The following DCLK2 variants were observed in gnomAD, a reference collection of about 807,000 sequenced individuals.
DCLK2 encodes the protein doublecortin like kinase 2.
In DCLK2, 31 loss-of-function variants were observed where a neutral mutation model predicts 78.4. The observed-to-expected ratio is 0.40, with a 90% CI of 0.30 to 0.53. The LOEUF (loss-of-function observed/expected upper bound fraction) is 0.53, where lower values mean the gene tolerates loss of function less well. Ranked by LOEUF, DCLK2 falls within the 20% of genes least tolerant of loss-of-function variation. DCLK2 has a pLI of 0.61. For missense variants in DCLK2, 872 were observed against 973.7 expected (o/e 0.90, Z 1.39); for synonymous variants, 407 against 374.9 (o/e 1.09, Z -0.99).
At chr4:150,090,580 G>A (rs1159796013) in intron 1 of DCLK2, among the ~76,000 whole-genome samples, 4 of 119,946 alleles carry the variant, frequency 3.3e-5, no homozygotes, top group East Asian at 2.6e-4. Context: ...GATTAGATAC[G>A]ATTTCTTCCT....
chr4:150,202,787 T>G (rs1739550142), intron 4 of DCLK2, among the ~76,000 whole-genome samples: 1 of 152,158 alleles, frequency 6.6e-6, no homozygotes, highest in East Asian at 1.9e-4. Context: ...AAACAGATTA[T>G]AAATACTCTA....
intron 2 of DCLK2, among the ~76,000 whole-genome samples, chr4:150,118,799 C>G (rs1207307030): frequency 6.6e-6 from 1 of 151,944 alleles, no homozygotes; most frequent in Admixed American, 6.6e-5. Flanking sequence ...GTCATGAACT[C>G]CTGATCACTT....
chr4:150,116,456 T>C (rs1732101361), intron 2 of DCLK2, among the ~76,000 whole-genome samples: 1 of 152,212 alleles, frequency 6.6e-6, no homozygotes, highest in Non-Finnish European at 1.5e-5. Flanking sequence ...TGGATTCTTT[T>C]GTCCCATGTG....
At chr4:150,098,901 G>A (rs944441264) in intron 1 of DCLK2, among the ~76,000 whole-genome samples, 2 of 151,916 alleles carry the variant, frequency 1.3e-5, no homozygotes. Context: ...TCACCGTGTT[G>A]GCCAGGCTGT....
intron 2 of DCLK2, among the ~76,000 whole-genome samples, chr4:150,117,635 A>G (rs1362737927): frequency 2.0e-5 from 3 of 152,146 alleles, no homozygotes; most frequent in Admixed American, 6.5e-5. Context: ...GCTTCCCTCC[A>G]TCCCCGCTGG....
chr4:150,256,769 G>C lies in DCLK2; in HGVS notation c.*522G>C, dbSNP rs1744599075. On this transcript the variant is annotated 3_prime_UTR_variant, in exon 16 of 16. Coordinates refer to ENST00000296550, the MANE Select transcript of DCLK2 (RefSeq NM_001040260.4). The stretch of plus-strand genomic sequence containing the variant: ...GTGAGAGGTGATATGGGGGCTAAGA[G>C]GACTGGCTTTCTAATAGAAGAAGTG... 1 of 152,350 alleles carries C rather than the reference G, an allele frequency of 6.6e-6. No homozygotes were observed. The highest frequency in any genetic ancestry group is 6.5e-5 in the Admixed American group (1 of 15,274). The allele number at this position is 152,350 out of a possible 1,614,324, so 9.4% of individuals were successfully genotyped here.
intron 12 of DCLK2, among the ~76,000 whole-genome samples, chr4:150,243,158 C>T (rs192690988): frequency 6.4e-4 from 97 of 152,246 alleles, no homozygotes; most frequent in Admixed American, 2.5e-3. Context: ...GAAGAGGATG[C>T]ATTTATCATG....
At chr4:150,190,626 G>T (rs1738382787) in intron 2 of DCLK2, among the ~76,000 whole-genome samples, 1 of 152,122 alleles carries the variant, frequency 6.6e-6, no homozygotes, top group African/African-American at 2.4e-5. Flanking sequence ...TAGATTATGG[G>T]TGCCTGGGAT....
intron 2 of DCLK2, among the ~76,000 whole-genome samples, chr4:150,117,015 A>C (rs1015990532): frequency 3.3e-5 from 5 of 152,048 alleles, no homozygotes; most frequent in African/African-American, 1.2e-4. Context: ...GGCTTCCAAA[A>C]GTTTCTGTTC....
At chr4:150,198,934 G>C in intron 4 of DCLK2, 1 of 801,208 alleles carries the variant, frequency 1.2e-6, no homozygotes, top group Non-Finnish European at 1.9e-6. Flanking sequence ...TTTCTGTAGG[G>C]CAGGTCGTTT....
intron 15 of DCLK2, among the ~76,000 whole-genome samples, chr4:150,249,994 C>T (rs1052483957): frequency 6.6e-6 from 1 of 152,100 alleles, no homozygotes; most frequent in Admixed American, 6.5e-5. Context: ...ACTCCCAAGC[C>T]CTGGAGGGGT....
chr4:150,147,964 G>C (rs1373418062), intron 2 of DCLK2, among the ~76,000 whole-genome samples: 1 of 152,202 alleles, frequency 6.6e-6, no homozygotes, highest in Non-Finnish European at 1.5e-5. Flanking sequence ...GGTGAACTAT[G>C]ATAGCGTTAA....
At chr4:150,199,679 ATC>A (rs1175825291) in intron 4 of DCLK2, among the ~76,000 whole-genome samples, 2 of 152,234 alleles carry the variant, frequency 1.3e-5, no homozygotes, top group Admixed American at 6.5e-5. Context: ...ATCTGAAAAT[ATC>A]TCTGTTATTA....
At position 150,193,119 on chromosome 4, in the gene DCLK2, A is replaced by T; in HGVS notation, c.757-19A>T. On this transcript the variant is annotated intron_variant, in intron 2 of 15. Transcript: ENST00000296550. ...CTAATGTGTCTAATTTATTTCTTGG[A>T]CATGATTTTTGTTCTCAGGTTACTT... 1 of 1,469,504 alleles carries T rather than the reference A, an allele frequency of 6.8e-7. No homozygotes were observed. Among genetic ancestry groups the T allele is most frequent in the Non-Finnish European group, 9.5e-7 (1 of 1,052,582 alleles). 91.0% of individuals were successfully genotyped at this position (1,469,504 alleles called of 1,614,324 possible). A position where few individuals can be genotyped will look rare whatever the true frequency, so the allele number is the denominator to read the frequency against.
chr4:150,221,642 G>T, intron 6 of DCLK2, 35 bp from the exon 7 acceptor site: 2 of 1,406,718 alleles, frequency 1.4e-6, no homozygotes, highest in Non-Finnish European at 2.0e-6. Flanking sequence ...AAATGCTGAT[G>T]TTTTCTTTAG....
At chr4:150,191,151 G>C (rs1053126563) in intron 2 of DCLK2, among the ~76,000 whole-genome samples, 1 of 152,052 alleles carries the variant, frequency 6.6e-6, no homozygotes, top group Non-Finnish European at 1.5e-5. Context: ...AAACCCATTA[G>C]CACTGTGTGG....
At chr4:150,104,394 T>TAAAAAAAAAA (rs34276664) in intron 2 of DCLK2, among the ~76,000 whole-genome samples, 1,375 of 29,716 alleles carry the variant, frequency 0.046, 210 homozygotes, top group East Asian at 0.056. Flanking sequence ...CCACATCTCC[T>TAAAAAAAAAA]AAAAAAAAAA....
intron 2 of DCLK2, among the ~76,000 whole-genome samples, chr4:150,149,492 G>A (rs1352916659): frequency 6.6e-6 from 1 of 152,150 alleles, no homozygotes; most frequent in East Asian, 1.9e-4. Flanking sequence ...GTTTCACAGA[G>A]GGAATAGAGA....
rs201483131 is a variant in DCLK2, at chr4:150,249,537, G to T, written c.1957-31G>T. Reference sequence around the variant, plus strand: ...CAACTCAAACGGGAGGATGGAAAAAGCATTGTATTTGATTGTTTTCTTTCC... The same window carrying T: ...CAACTCAAACGGGAGGATGGAAAAATCATTGTATTTGATTGTTTTCTTTCC... On this transcript the variant is annotated intron_variant, in intron 14 of 15. Transcript: ENST00000296550. 4.4e-6 allele frequency: 7 copies of T among 1,588,198 alleles called. No individual in the cohort carries two copies. In the Admixed American group the frequency reaches 1.2e-4, roughly 26 times the overall value.
Sources: gnomAD v4.1 joint callset for allele counts (sites outside exome capture counted in the v4.1 genomes callset) on GRCh38, gnomAD v4.1.1 for gene constraint, MANE v1.5 for transcripts, NCBI Gene and HGNC (gene_info 2026-07-23, HGNC 2026-07-21) for gene names.